Variants in UNC79 observed in about 807,000 individuals in gnomAD.
The protein encoded by UNC79 is protein unc-79 homolog.
UNC79 carries 37 observed loss-of-function variants against 283.1 expected under a neutral mutation model. The observed-to-expected ratio is 0.13, with a 90% CI of 0.10 to 0.17. The LOEUF (loss-of-function observed/expected upper bound fraction) is 0.17. Among genes scored for constraint, UNC79 ranks in the 10% least tolerant of loss-of-function variants. The pLI is 1.00. For synonymous variants in UNC79, 1,107 were observed against 1,200.2 expected (o/e 0.92, Z 1.61); for missense variants, 2,272 against 3,211.1 (o/e 0.71, Z 7.07).
chr14:93,430,782 G>A lies in UNC79; in HGVS notation c.-248G>A. On this transcript the variant is annotated 5_prime_UTR_variant, in exon 1 of 49. Coordinates refer to ENST00000555664, the Ensembl canonical transcript of UNC79. The surrounding 1 kb of genome is among the most constrained non-coding windows in gnomAD (Gnocchi z 4.6). ...GGGCAGCTCCAGGAGGGGACGGACA[G>A]GAAGCCTTTGGCCGCCTATTAAATC... The A allele has an allele frequency of 2.1e-6, 1 of 466,416 alleles. No homozygotes were observed. The allele number at this position is 466,416 out of a possible 1,614,324, so 28.9% of individuals were successfully genotyped here. A position where few individuals can be genotyped will look rare whatever the true frequency, so the allele number is the denominator to read the frequency against.
chr14:93,477,859 C>T, intron 4 of UNC79, 131 bp downstream of exon 4: 1 of 833,766 alleles, frequency 1.2e-6, no homozygotes, highest in Non-Finnish European at 1.8e-6. Context: ...GCTATGATTT[C>T]AATTCAGTCA....
intron 1 of UNC79, chr14:93,334,787 A>G (rs940206630): frequency 2.6e-5 from 4 of 152,232 alleles, no homozygotes; most frequent in Non-Finnish European, 5.9e-5. Context: ...AGACTTGAGT[A>G]TGCTTGGATT....
chr14:93,533,535 G>T (rs1367727621), intron 11 of UNC79, among the ~76,000 whole-genome samples: 2 of 152,134 alleles, frequency 1.3e-5, no homozygotes, highest in African/African-American at 4.8e-5. Context: ...AAGCTGGGAT[G>T]GCTGGAATGG....
At chr14:93,463,406 G>A (rs563034515) in intron 1 of UNC79, among the ~76,000 whole-genome samples, 1 of 152,292 alleles carries the variant, frequency 6.6e-6, no homozygotes, top group Non-Finnish European at 1.5e-5. Flanking sequence ...CATCATCTTG[G>A]CTCTGAAGGC....
chr14:93,368,544 C>T (rs970005156), intron 1 of UNC79, among the ~76,000 whole-genome samples: 2 of 152,006 alleles, frequency 1.3e-5, no homozygotes, highest in South Asian at 2.1e-4. Flanking sequence ...ATGATCTTGA[C>T]GCACTGCAAC....
At chr14:93,551,198 C>T (rs569384416) in intron 14 of UNC79, among the ~76,000 whole-genome samples, 87 of 152,188 alleles carry the variant, frequency 5.7e-4, no homozygotes, top group African/African-American at 2.0e-3. Context: ...TACAGGCGCC[C>T]GTCACTAAGC....
intron 1 of UNC79, among the ~76,000 whole-genome samples, chr14:93,391,450 A>G (rs1235198621): frequency 2.0e-5 from 3 of 152,060 alleles, no homozygotes; most frequent in Non-Finnish European, 4.4e-5. Flanking sequence ...AATAAAAGGC[A>G]CTAACTGTAT....
At chr14:93,552,654 G>A (rs1320334083) in intron 14 of UNC79, among the ~76,000 whole-genome samples, 2 of 151,932 alleles carry the variant, frequency 1.3e-5, no homozygotes, top group African/African-American at 4.8e-5. Context: ...TACTTGTTTT[G>A]ATTATTTGCG....
chr14:93,590,547 C>T (rs1566724242), intron 22 of UNC79, among the ~76,000 whole-genome samples: 1 of 152,102 alleles, frequency 6.6e-6, no homozygotes, highest in African/African-American at 2.4e-5. Flanking sequence ...GTGAAAGCAA[C>T]CCCCCAGAAT....
chr14:93,480,031 T>G (rs534359793), intron 4 of UNC79, among the ~76,000 whole-genome samples: 1 of 152,364 alleles, frequency 6.6e-6, no homozygotes, highest in Non-Finnish European at 1.5e-5. Context: ...CCTCTGAAGT[T>G]ACATTTAAGA....
intron 25 of UNC79, among the ~76,000 whole-genome samples, 199 bp downstream of exon 25, chr14:93,600,969 A>G (rs1466042883): frequency 3.3e-5 from 5 of 152,204 alleles, no homozygotes; most frequent in Non-Finnish European, 7.3e-5. Flanking sequence ...CAAAATCAGA[A>G]TTCTTTTCAT....
chr14:93,613,705 C>T (rs1026553187), intron 27 of UNC79, among the ~76,000 whole-genome samples: 6 of 152,152 alleles, frequency 3.9e-5, no homozygotes, highest in Admixed American at 1.3e-4. Flanking sequence ...TGAGCCACTG[C>T]GCCCGGCCAG....
At position 93,580,246 on chromosome 14, in the gene UNC79, G is replaced by A; in HGVS notation, c.2531G>A (p.Gly844Glu). The change falls in exon 19 of 49, where the codon GGG (glycine) becomes GAG (glutamate). Residue 844 changes from glycine to glutamate, a missense_variant. Physicochemically the swap from Gly to Glu is moderately conservative, Grantham distance 98. This residue lies in a region of UNC79 where 356 missense variants were observed against 416.2 expected (regional missense o/e 0.86). Coordinates refer to ENST00000555664, the Ensembl canonical transcript of UNC79. ...AACAATGTCTTCCAAGCCCCCTGGG[G>A]GGGATCCCACACCTGCCAGAAGGAC... 1 of 1,614,132 alleles carries A rather than the reference G, an allele frequency of 6.2e-7. No individual in the cohort carries two copies. The highest frequency in any genetic ancestry group is 1.1e-5 in the South Asian group (1 of 91,080).
chr14:93,478,975 CA>C (rs1308520899), intron 4 of UNC79, among the ~76,000 whole-genome samples: 1 of 152,064 alleles, frequency 6.6e-6, no homozygotes, highest in African/African-American at 2.4e-5. Flanking sequence ...TATAGCAATT[CA>C]AAAAAATTAG....
chr14:93,654,366 C>T (rs55882426), intron 37 of UNC79, among the ~76,000 whole-genome samples: 62,100 of 151,302 alleles, frequency 0.41, 14,802 homozygotes, highest in Admixed American at 0.54. Context: ...CATGGTGACA[C>T]ATGCCTGTAG....
At chr14:93,414,957 C>A (rs2055420899) in intron 1 of UNC79, among the ~76,000 whole-genome samples, 1 of 152,182 alleles carries the variant, frequency 6.6e-6, no homozygotes, top group Non-Finnish European at 1.5e-5. Flanking sequence ...ACAGTCATGT[C>A]ATCTGCAAAC....
At chr14:93,408,401 AC>A (rs1566917364) in intron 1 of UNC79, among the ~76,000 whole-genome samples, 1 of 152,218 alleles carries the variant, frequency 6.6e-6, no homozygotes, top group Non-Finnish European at 1.5e-5. Context: ...AGTTAATAAT[AC>A]CATAATAAGA....
At chr14:93,589,925 G>C (rs887095479) in intron 22 of UNC79, among the ~76,000 whole-genome samples, 2 of 152,280 alleles carry the variant, frequency 1.3e-5, no homozygotes, top group Middle Eastern at 3.4e-3. Flanking sequence ...GCCAAGTATG[G>C]TGGTGCAAGC....
chr14:93,690,217 C>G lies in UNC79; in HGVS notation c.7186C>G (p.Pro2396Ala). 1 of 1,614,184 alleles carries G rather than the reference C, an allele frequency of 6.2e-7. No individual in the cohort carries two copies. The highest frequency in any genetic ancestry group is 8.5e-7 in the Non-Finnish European group (1 of 1,180,044). ...TGCAGTGTGCCCAAATGCCTCCTCT[C>G]CCTGCCTGCCCATTCCTCTGGATGC... Residue 2396 changes from proline to alanine, a missense_variant, in exon 45 of 49, where the codon CCC (proline) becomes GCC (alanine). By Grantham distance (27) the Pro-to-Ala change is conservative. Transcript: ENST00000555664. The surrounding 1 kb of genome is among the most constrained non-coding windows in gnomAD (Gnocchi z 4.3).
Sources: gnomAD v4.1 joint callset for allele counts (sites outside exome capture counted in the v4.1 genomes callset) on GRCh38, gnomAD v4.1.1 for gene constraint, gnomAD v4.1.1 regional missense constraint, Gnocchi (gnomAD v3.1) non-coding constraint, MANE v1.5 for transcripts, NCBI Gene and HGNC (gene_info 2026-07-23, HGNC 2026-07-21) for gene names.